AK5: variants seen among roughly 807,000 people sequenced by gnomAD.
The protein encoded by AK5 is adenylate kinase isoenzyme 5.
Under a neutral mutation model 69.5 loss-of-function variants are expected in AK5, and 27 were observed. That is an observed-to-expected ratio of 0.39 (90% CI 0.29 to 0.54). The LOEUF is 0.54. Among genes scored for constraint, AK5 ranks in the 20% least tolerant of loss-of-function variants. The pLI is 0.71. For missense variants in AK5, 531 were observed against 700.4 expected (o/e 0.76, Z 2.73); for synonymous variants, 260 against 244.4 (o/e 1.06, Z -0.60).
chr1:77,439,779 T>G (rs1167522547), intron 8 of AK5, among the ~76,000 whole-genome samples: 1 of 151,800 alleles, frequency 6.6e-6, no homozygotes, highest in African/African-American at 2.4e-5. Context: ...TACATATATA[T>G]GTATGTATAC....
intron 13 of AK5, among the ~76,000 whole-genome samples, chr1:77,554,682 T>G (rs1391586308): frequency 6.6e-6 from 1 of 151,960 alleles, no homozygotes; most frequent in African/African-American, 2.4e-5. Flanking sequence ...CTCAGCTCAC[T>G]GTCAGCTCCA....
chr1:77,291,588 G>C (rs568546696), intron 2 of AK5, among the ~76,000 whole-genome samples: 2 of 151,494 alleles, frequency 1.3e-5, no homozygotes, highest in African/African-American at 4.9e-5. Context: ...ATTGAACCAC[G>C]CTCTACCCAC....
At chr1:77,525,158 C>A (rs1039494210) in intron 12 of AK5, among the ~76,000 whole-genome samples, 12 of 152,218 alleles carry the variant, frequency 7.9e-5, no homozygotes, top group Non-Finnish European at 1.8e-4. Flanking sequence ...ACCCGCCTGC[C>A]TTGGCCTCCC....
intron 8 of AK5, among the ~76,000 whole-genome samples, chr1:77,440,794 G>A (rs911753976): frequency 6.6e-6 from 1 of 151,722 alleles, no homozygotes; most frequent in African/African-American, 2.4e-5. Context: ...CTGTCACCCA[G>A]GCTGGAGTGC....
intron 5 of AK5, among the ~76,000 whole-genome samples, chr1:77,307,601 G>C (rs1659714173): frequency 6.6e-6 from 1 of 152,160 alleles, no homozygotes; most frequent in African/African-American, 2.4e-5. Context: ...GAAATGCTCT[G>C]TAAATATCTA....
At chr1:77,446,096 T>C (rs2100648462) in intron 8 of AK5, among the ~76,000 whole-genome samples, 1 of 152,354 alleles carries the variant, frequency 6.6e-6, no homozygotes, top group Middle Eastern at 3.4e-3. Context: ...CATTTTGAGT[T>C]GAGTTTTGTA....
At chr1:77,371,204 A>G (rs1647115732) in intron 6 of AK5, among the ~76,000 whole-genome samples, 2 of 152,130 alleles carry the variant, frequency 1.3e-5, no homozygotes, top group African/African-American at 2.4e-5. Context: ...TCCTAACCAC[A>G]GTTCTCACAT....
rs1557533078 is a variant in AK5 at position 77,367,628 on chromosome 1, G to GT, written c.891+27061dup. On this transcript the variant is annotated intron_variant, in intron 6 of 13. Coordinates refer to ENST00000354567, the MANE Select transcript of AK5 (RefSeq NM_174858.3). ...TATATGTAATATATATGTTATATAT[G>GT]TAATATATATGTTATGTTATATATG... Among the ~76,000 whole-genome samples the GT allele has an allele frequency of 4.8e-4, 20 of 41,770 alleles. 1 individual carries two copies. The highest frequency in any genetic ancestry group is 7.8e-4 in the South Asian group (1 of 1,274). 27.4% of individuals were successfully genotyped at this position (41,770 alleles called of 152,430 possible).
chr1:77,547,689 ATATT>A, intron 13 of AK5, among the ~76,000 whole-genome samples: 1 of 152,336 alleles, frequency 6.6e-6, no homozygotes, highest in African/African-American at 2.4e-5. Flanking sequence ...TACTGGAACT[ATATT>A]TATATTTCAT....
At chr1:77,381,409 C>T (rs1647626403) in intron 6 of AK5, among the ~76,000 whole-genome samples, 1 of 152,194 alleles carries the variant, frequency 6.6e-6, no homozygotes, top group Non-Finnish European at 1.5e-5. Context: ...TGGGCTAAGA[C>T]AGCCCAGATT....
chr1:77,384,011 C>T (rs1488779586), intron 6 of AK5, among the ~76,000 whole-genome samples: 1 of 151,880 alleles, frequency 6.6e-6, no homozygotes, highest in East Asian at 1.9e-4. Flanking sequence ...TATAATAAAA[C>T]CACCATGAAT....
chr1:77,554,920 C>G (rs972834953), intron 13 of AK5, among the ~76,000 whole-genome samples: 2 of 151,906 alleles, frequency 1.3e-5, no homozygotes, highest in Non-Finnish European at 2.9e-5. Flanking sequence ...CCAGCCTCTG[C>G]GGTTATTTTT....
intron 6 of AK5, among the ~76,000 whole-genome samples, chr1:77,397,065 A>G (rs1306528942): frequency 6.6e-6 from 1 of 152,234 alleles, no homozygotes; most frequent in African/African-American, 2.4e-5. Context: ...ATCCCAAGAA[A>G]GCCTTCAGAT....
intron 10 of AK5, 104 bp downstream of exon 10, chr1:77,486,456 G>T: frequency 1.3e-6 from 1 of 760,496 alleles, no homozygotes; most frequent in South Asian, 1.6e-5. Context: ...AGCACTGTGG[G>T]AGGCCAAGGC....
intron 10 of AK5, among the ~76,000 whole-genome samples, chr1:77,493,411 A>G (rs1656116380): frequency 6.6e-6 from 1 of 151,932 alleles, no homozygotes; most frequent in Non-Finnish European, 1.5e-5. Context: ...TAGAAGGCCT[A>G]TTATGGAACT....
chr1:77,329,737 G>T (rs952582270), intron 5 of AK5, among the ~76,000 whole-genome samples: 1 of 152,166 alleles, frequency 6.6e-6, no homozygotes, highest in Non-Finnish European at 1.5e-5. Flanking sequence ...CTGGGCTGGG[G>T]ATAGCCTGGA....
chr1:77,376,109 C>T (rs1002547849), intron 6 of AK5, among the ~76,000 whole-genome samples: 2 of 152,164 alleles, frequency 1.3e-5, no homozygotes, highest in African/African-American at 2.4e-5. Context: ...CAGTGTCGAA[C>T]ACATTCAGCA....
intron 8 of AK5, among the ~76,000 whole-genome samples, chr1:77,475,502 ATT>A (rs1491261960): frequency 2.1e-5 from 1 of 47,586 alleles, no homozygotes; most frequent in Non-Finnish European, 4.2e-5. Flanking sequence ...ACAAATATAT[ATT>A]ATATATATAT....
intron 5 of AK5, among the ~76,000 whole-genome samples, chr1:77,309,323 T>G (rs1225279813): frequency 6.6e-6 from 1 of 152,064 alleles, no homozygotes; most frequent in African/African-American, 2.4e-5. Context: ...AACACTCAAA[T>G]TGATCGTGAT....
Sources: gnomAD v4.1 joint callset for allele counts (sites outside exome capture counted in the v4.1 genomes callset) on GRCh38, gnomAD v4.1.1 for gene constraint, MANE v1.5 for transcripts, NCBI Gene and HGNC (gene_info 2026-07-23, HGNC 2026-07-21) for gene names.